Variants in SPTLC2 observed in about 807,000 individuals in gnomAD.
The protein encoded by SPTLC2 is serine palmitoyltransferase long chain base subunit 2.
Under a neutral mutation model 62.0 loss-of-function variants are expected in SPTLC2, and 21 were observed. The ratio of observed to expected loss-of-function variants is 0.34; its 90% CI spans 0.24 to 0.49. The LOEUF is 0.49. SPTLC2 is among the 20% of genes least tolerant of loss of function. SPTLC2 has a pLI of 0.99. For missense variants in SPTLC2, 511 were observed against 713.0 expected (o/e 0.72, Z 3.23); for synonymous variants, 261 against 261.8 (o/e 1.00, Z 0.03).
At chr14:77,588,930 G>A (rs902561781) in intron 2 of SPTLC2, among the ~76,000 whole-genome samples, 17 of 138,594 alleles carry the variant, frequency 1.2e-4, no homozygotes, top group African/African-American at 4.6e-4. Flanking sequence ...CAGGGAGGTC[G>A]AGGCTGCAGT....
At chr14:77,527,389 G>C (rs146905034) in intron 9 of SPTLC2, among the ~76,000 whole-genome samples, 2 of 152,250 alleles carry the variant, frequency 1.3e-5, no homozygotes, top group East Asian at 3.9e-4. Context: ...AGAAGGCCTT[G>C]AAAAGGATGG....
chr14:77,569,793 T>TATATA (rs564632877), intron 5 of SPTLC2, among the ~76,000 whole-genome samples: 1,838 of 137,158 alleles, frequency 0.013, 98 homozygotes, highest in African/African-American at 0.045. Context: ...ATATGTAATA[T>TATATA]ATATAATATG....
chr14:77,512,487 C>G, intron 11 of SPTLC2, 84 bp from the exon 12 acceptor site: 1 of 1,595,324 alleles, frequency 6.3e-7, no homozygotes, highest in South Asian at 1.1e-5. Context: ...TAAAAACAAT[C>G]ATGGCAAGAT....
intron 9 of SPTLC2, among the ~76,000 whole-genome samples, chr14:77,527,483 C>T (rs1005218934): frequency 2.6e-5 from 4 of 152,166 alleles, no homozygotes; most frequent in African/African-American, 4.8e-5. Context: ...GTTTACAAAA[C>T]AGAATTAGAT....
intron 2 of SPTLC2, among the ~76,000 whole-genome samples, chr14:77,588,996 C>CAA (rs60536883): frequency 3.7e-3 from 279 of 74,542 alleles, no homozygotes; most frequent in Non-Finnish European, 5.3e-3. Context: ...GACCTTGTCT[C>CAA]AAAAAAAAAA....
intron 9 of SPTLC2, among the ~76,000 whole-genome samples, chr14:77,535,258 C>T (rs1050056775): frequency 6.6e-6 from 1 of 152,016 alleles, no homozygotes; most frequent in Admixed American, 6.6e-5. Context: ...TGCCAAGACC[C>T]GGAGCAAAAA....
rs771962258 is a variant in SPTLC2 at position 77,555,358 on chromosome 14, A to G, written c.1118T>C (p.Met373Thr). The change falls in exon 8 of 12, where the codon ATG becomes ACG. Residue 373 changes from methionine (M) to threonine (T), a missense_variant. By Grantham distance (81) the Met-to-Thr change is moderately conservative. Transcript: ENST00000216484. Reference sequence around the variant, plus strand: ...AAAACTCTTTGTGAACGTTCCCATCATAACATCCACATCCTCGGGATCCAG... The same window carrying G: ...AAAACTCTTTGTGAACGTTCCCATCGTAACATCCACATCCTCGGGATCCAG... ...FGLDPEDVDV[M>T]MGTFTKSFGA... 5.0e-6 allele frequency: 8 copies of G among 1,614,114 alleles called. No homozygotes were observed. The highest frequency in any genetic ancestry group is 2.2e-5 in the East Asian group (1 of 44,866).
intron 2 of SPTLC2, among the ~76,000 whole-genome samples, chr14:77,592,885 T>C (rs1315963846): frequency 2.0e-5 from 3 of 152,110 alleles, no homozygotes; most frequent in Non-Finnish European, 4.4e-5. Flanking sequence ...CAAGGCAGGC[T>C]GAGGTCAGGA....
rs374768896 is a variant in SPTLC2 at position 77,557,164 on chromosome 14, G to T, written c.851-18C>A. On this transcript the variant is annotated intron_variant, in intron 6 of 11. Transcript: ENST00000216484. Reference sequence around the variant, plus strand: ...TTGCATATCTACAGAGCACAAAAAAGAACAGTTATACCGCATCTTCCTCTT... The same window carrying T: ...TTGCATATCTACAGAGCACAAAAAATAACAGTTATACCGCATCTTCCTCTT... 35 of 1,595,340 alleles carry T rather than the reference G, an allele frequency of 2.2e-5. No homozygotes were observed. The South Asian group carries it at 3.7e-4, about 17-fold the overall frequency.
intron 9 of SPTLC2, among the ~76,000 whole-genome samples, chr14:77,539,973 G>A (rs1296887545): frequency 5.3e-5 from 8 of 152,078 alleles, no homozygotes; most frequent in Non-Finnish European, 7.4e-5. Flanking sequence ...GAGGCAGGCA[G>A]ATCACCTGGG....
chr14:77,551,390 C>CAA (rs11347331), intron 9 of SPTLC2, among the ~76,000 whole-genome samples: 1,147 of 60,688 alleles, frequency 0.019, 20 homozygotes, highest in African/African-American at 0.033. Context: ...GACTCCGTCT[C>CAA]AAAAAAAAAA....
intron 10 of SPTLC2, among the ~76,000 whole-genome samples, chr14:77,520,920 CT>C (rs1326839354): frequency 5.3e-5 from 8 of 152,220 alleles, no homozygotes; most frequent in Non-Finnish European, 1.2e-4. Context: ...GTACTGTGGC[CT>C]TTGCACAGAT....
At chr14:77,557,971 TA>T (rs976672792) in intron 6 of SPTLC2, among the ~76,000 whole-genome samples, 1 of 151,618 alleles carries the variant, frequency 6.6e-6, no homozygotes. Flanking sequence ...ATGAAGTCCT[TA>T]AAAAAAACTC....
chr14:77,605,526 A>C (rs2079900567), intron 1 of SPTLC2, among the ~76,000 whole-genome samples: 1 of 152,222 alleles, frequency 6.6e-6, no homozygotes, highest in Non-Finnish European at 1.5e-5. Context: ...AAAATTCCAG[A>C]GGGAGAAGAG....
chr14:77,595,674 C>T (rs1387630043), intron 2 of SPTLC2, among the ~76,000 whole-genome samples: 3 of 152,226 alleles, frequency 2.0e-5, no homozygotes, highest in African/African-American at 7.2e-5. Flanking sequence ...ACAATGTTTT[C>T]GTGATATACT....
chr14:77,545,590 A>G (rs940712617), intron 9 of SPTLC2, among the ~76,000 whole-genome samples: 1 of 152,078 alleles, frequency 6.6e-6, no homozygotes, highest in African/African-American at 2.4e-5. Context: ...TCTTACTTTG[A>G]GCAGATTCCA....
At chr14:77,518,330 C>A (rs540289935) in intron 10 of SPTLC2, among the ~76,000 whole-genome samples, 163 bp from the exon 11 acceptor site, 1 of 152,276 alleles carries the variant, frequency 6.6e-6, no homozygotes, top group African/African-American at 2.4e-5. Flanking sequence ...TGACAGCTCA[C>A]AAATACTTTT....
chr14:77,536,046 A>C (rs1250396717), intron 9 of SPTLC2: 2 of 430,106 alleles, frequency 4.7e-6, no homozygotes, highest in Non-Finnish European at 4.6e-6. Flanking sequence ...GTTTGAGGGG[A>C]AACCAGCAAA....
intron 9 of SPTLC2, among the ~76,000 whole-genome samples, chr14:77,547,163 C>T (rs138149034): frequency 1.5e-5 from 2 of 133,312 alleles, no homozygotes; most frequent in East Asian, 4.6e-4. Flanking sequence ...TCGCACCCGG[C>T]GGAAACAAGT....
Sources: gnomAD v4.1 joint callset for allele counts (sites outside exome capture counted in the v4.1 genomes callset) on GRCh38, gnomAD v4.1.1 for gene constraint, MANE v1.5 for transcripts, NCBI Gene and HGNC (gene_info 2026-07-23, HGNC 2026-07-21) for gene names.